The following APOL6 variants were observed in gnomAD, a reference collection of about 807,000 sequenced individuals.
APOL6 encodes the protein apolipoprotein L6, also known as apolipoprotein L, 6.
APOL6 carries 1 observed loss-of-function variant against 2.4 expected under a neutral mutation model. The ratio of observed to expected loss-of-function variants is 0.41; its 90% CI spans 0.15 to 1.94. APOL6 has a LOEUF of 1.94. Among genes scored for constraint, APOL6 ranks in the 30% most tolerant of loss-of-function variants. The pLI, the probability that APOL6 is intolerant of heterozygous loss-of-function variation, is 0.30. For synonymous variants in APOL6, 189 were observed against 169.3 expected, an observed-to-expected ratio of 1.12 and a Z score of -0.90; for missense variants, 438 against 429.2, an observed-to-expected ratio of 1.02 and a Z score of -0.18.
intron 1 of APOL6, among the ~76,000 whole-genome samples, chr22:35,651,382 C>T (rs1303697213): frequency 6.6e-6 from 1 of 152,214 alleles, no homozygotes; most frequent in East Asian, 1.9e-4. Flanking sequence ...GTGTCTCTCT[C>T]TGTCACCTCC....
Position 35,664,459 on chromosome 22 carries a change from A to G in APOL6, c.*4863A>G, listed in dbSNP as rs915815389. 4 of 152,244 alleles carry G rather than the reference A, an allele frequency of 2.6e-5. No homozygotes were observed. Among genetic ancestry groups the G allele is most frequent in the African/African-American group, 9.6e-5 (4 of 41,474 alleles). The allele number at this position is 152,244 out of a possible 1,614,324, so 9.4% of individuals were successfully genotyped here. ...GCTGAACTTAAACTAGGTTCCTCCC[A>G]AAGTTCATTCGGCCTATGCCCAGGA... On this transcript the variant is annotated 3_prime_UTR_variant, in exon 3 of 3. Coordinates refer to ENST00000409652, the MANE Select transcript of APOL6 (RefSeq NM_030641.4).
At position 35,659,385 on chromosome 22, in the gene APOL6, A is replaced by T; in HGVS notation, c.821A>T (p.Lys274Met). Residue 274 changes from lysine (K) to methionine (M), a missense_variant, in exon 3 of 3, where the codon AAG (lysine) becomes ATG (methionine). Coordinates refer to ENST00000409652, the MANE Select transcript of APOL6 (RefSeq NM_030641.4). ...RTKFAEELRA[K>M]ALELERKLTE... ...AAGTTTGCGGAAGAGTTGAGAGCCA[A>T]GGCCTTGGAGCTGGAGAGGAAACTC... 6.2e-7 allele frequency: 1 copy of T among 1,614,130 alleles called. No individual in the cohort carries two copies. Among genetic ancestry groups the T allele is most frequent in the Non-Finnish European group, 8.5e-7 (1 of 1,180,022 alleles).
chr22:35,664,499 C>T lies in APOL6; in HGVS notation c.*4903C>T, dbSNP rs1408510501. On this transcript the variant is annotated 3_prime_UTR_variant, in exon 3 of 3. Coordinates refer to ENST00000409652, the MANE Select transcript of APOL6 (RefSeq NM_030641.4). Reference sequence around the variant, plus strand: ...TATGCCCAGGAATGAACAAGGACAGCTTGGAAGTTAAGAGCAAGGTGGAGT... The same window carrying T: ...TATGCCCAGGAATGAACAAGGACAGTTTGGAAGTTAAGAGCAAGGTGGAGT... 1 of 152,190 alleles carries T rather than the reference C, an allele frequency of 6.6e-6. No homozygotes were observed. The highest frequency in any genetic ancestry group is 1.5e-5 in the Non-Finnish European group (1 of 68,038). The allele number at this position is 152,190 out of a possible 1,614,324, so 9.4% of individuals were successfully genotyped here.
In APOL6 at chr22:35,663,245, A is replaced by T. The variant is rs1925080352; in HGVS notation, c.*3649A>T. 6.6e-6 allele frequency: 1 copy of T among 152,200 alleles called. No homozygotes were observed. The highest frequency in any genetic ancestry group is 2.4e-5 in the African/African-American group (1 of 41,450). 9.4% of individuals were successfully genotyped at this position (152,200 alleles called of 1,614,324 possible). A position where few individuals can be genotyped will look rare whatever the true frequency, so the allele number is the denominator to read the frequency against. Reference sequence around the variant, plus strand: ...TTTAATTACTATAGGGGCTTTATTTACATAACACAGCCAGCTTTTTGCTAG... The same window carrying T: ...TTTAATTACTATAGGGGCTTTATTTTCATAACACAGCCAGCTTTTTGCTAG... On this transcript the variant is annotated 3_prime_UTR_variant, in exon 3 of 3. Transcript: ENST00000409652.
rs926638088 is a variant in APOL6, at chr22:35,662,383, A to G, written c.*2787A>G. ...CACTAAGGAAAACTCAAGCTTAGGG[A>G]AACTTCTTAGGGCAAACCCACCTCC... On this transcript the variant is annotated 3_prime_UTR_variant, in exon 3 of 3. Coordinates refer to ENST00000409652, the MANE Select transcript of APOL6 (RefSeq NM_030641.4). 3.3e-5 allele frequency: 5 copies of G among 152,124 alleles called. No individual in the cohort carries two copies. The highest frequency in any genetic ancestry group is 1.2e-4 in the African/African-American group (5 of 41,418). The allele number at this position is 152,124 out of a possible 1,614,324, so 9.4% of individuals were successfully genotyped here. A position where few individuals can be genotyped will look rare whatever the true frequency, so the allele number is the denominator to read the frequency against.
chr22:35,656,845 T>A (rs1324311767), intron 2 of APOL6, among the ~76,000 whole-genome samples: 1 of 152,222 alleles, frequency 6.6e-6, no homozygotes, highest in East Asian at 1.9e-4. Context: ...AACAAATTAA[T>A]GAATTTAAGC....
chr22:35,657,415 A>G (rs1265103718), intron 2 of APOL6, among the ~76,000 whole-genome samples: 1 of 152,212 alleles, frequency 6.6e-6, no homozygotes, highest in Non-Finnish European at 1.5e-5. Context: ...GCTCGATGGT[A>G]TATTTAGTTT....
Position 35,664,194 on chromosome 22 carries a change from C to T in APOL6, c.*4598C>T, listed in dbSNP as rs1029189970. 2 of 152,090 alleles carry T rather than the reference C, an allele frequency of 1.3e-5. No individual in the cohort carries two copies. The highest frequency in any genetic ancestry group is 4.8e-5 in the African/African-American group (2 of 41,412). The allele number at this position is 152,090 out of a possible 1,614,324, so 9.4% of individuals were successfully genotyped here. On this transcript the variant is annotated 3_prime_UTR_variant, in exon 3 of 3. Transcript: ENST00000409652. ...GTTTTATACTTATCCCTGCCAAATA[C>T]CAGAAGGTGTCAAAATTTGGCATAG...
At position 35,665,098 on chromosome 22, in the gene APOL6, A is replaced by T. The variant is rs1320291434; in HGVS notation, c.*5502A>T. The T allele has an allele frequency of 1.3e-5, 2 of 149,852 alleles. No homozygotes were observed. 9.3% of individuals were successfully genotyped at this position (149,852 alleles called of 1,614,324 possible). ...TTGGTGTAAGTCATGATAAGATTTT[A>T]TATATATATATACACACACACACAC... On this transcript the variant is annotated 3_prime_UTR_variant, in exon 3 of 3. Coordinates refer to ENST00000409652, the MANE Select transcript of APOL6 (RefSeq NM_030641.4).
intron 1 of APOL6, among the ~76,000 whole-genome samples, chr22:35,652,363 T>C (rs533510505): frequency 2.6e-5 from 4 of 152,314 alleles, no homozygotes; most frequent in Admixed American, 6.5e-5. Flanking sequence ...TTCGCTCTGA[T>C]GGTAGTTTCT....
At chr22:35,653,117 C>T (rs1383454914) in intron 1 of APOL6, among the ~76,000 whole-genome samples, 3 of 150,768 alleles carry the variant, frequency 2.0e-5, no homozygotes, top group African/African-American at 7.3e-5. Flanking sequence ...CTTCACATCC[C>T]TTGTAAGTTG....
chr22:35,656,598 G>A (rs915264937), intron 2 of APOL6, 123 bp downstream of exon 2: 67 of 1,131,266 alleles, frequency 5.9e-5, no homozygotes, highest in Non-Finnish European at 8.0e-5. Context: ...TTATCTTACC[G>A]CTGGTCTCCA....
At position 35,660,790 on chromosome 22, in the gene APOL6, T is replaced by G. The variant is rs766912103; in HGVS notation, c.*1194T>G. On this transcript the variant is annotated 3_prime_UTR_variant, in exon 3 of 3. Transcript: ENST00000409652. Reference sequence around the variant, plus strand: ...CTCTTTTATAAAGGCACTAACTCTATGCCTAAAGGCAGGGCCCTCATGACT... The same window carrying G: ...CTCTTTTATAAAGGCACTAACTCTAGGCCTAAAGGCAGGGCCCTCATGACT... 2 of 152,252 alleles carry G rather than the reference T, an allele frequency of 1.3e-5. No homozygotes were observed. The highest frequency in any genetic ancestry group is 2.9e-5 in the Non-Finnish European group (2 of 68,058). 9.4% of individuals were successfully genotyped at this position (152,252 alleles called of 1,614,324 possible).
At position 35,666,651 on chromosome 22, in the gene APOL6, A is replaced by G. The variant is rs1387919905; in HGVS notation, c.*7055A>G. ...AGGTGCTCTTACATGCAGGTTTCTGATAACTTTGGAGATTGTGACATCAGA... is the reference window on the plus strand; with the variant it reads ...AGGTGCTCTTACATGCAGGTTTCTGGTAACTTTGGAGATTGTGACATCAGA... On this transcript the variant is annotated 3_prime_UTR_variant, in exon 3 of 3. Transcript: ENST00000409652. 1 of 152,156 alleles carries G rather than the reference A, an allele frequency of 6.6e-6. No homozygotes were observed. The highest frequency in any genetic ancestry group is 6.5e-5 in the Admixed American group (1 of 15,270). The allele number at this position is 152,156 out of a possible 1,614,324, so 9.4% of individuals were successfully genotyped here. A position where few individuals can be genotyped will look rare whatever the true frequency, so the allele number is the denominator to read the frequency against.
At position 35,661,920 on chromosome 22, in the gene APOL6, G is replaced by T. The variant is rs923090260; in HGVS notation, c.*2324G>T. On this transcript the variant is annotated 3_prime_UTR_variant, in exon 3 of 3. Coordinates refer to ENST00000409652, the MANE Select transcript of APOL6 (RefSeq NM_030641.4). ...CTATAAATCTTATCAAACCATGGTT[G>T]TATATGCAGTTGACCGAAACATTGT... 23 of 152,198 alleles carry T rather than the reference G, an allele frequency of 1.5e-4. No homozygotes were observed. The highest frequency in any genetic ancestry group is 4.8e-4 in the African/African-American group (20 of 41,458). The allele number at this position is 152,198 out of a possible 1,614,324, so 9.4% of individuals were successfully genotyped here.
At position 35,659,827 on chromosome 22, in the gene APOL6, G is replaced by A. The variant is rs575815327; in HGVS notation, c.*231G>A. The A allele has an allele frequency of 8.8e-5, 56 of 639,448 alleles. No individual in the cohort carries two copies. Among genetic ancestry groups the A allele is most frequent in the African/African-American group, 1.5e-4 (8 of 54,766 alleles). 39.6% of individuals were successfully genotyped at this position (639,448 alleles called of 1,614,324 possible). ...GTTGCCCAGGCTGGAGTGCAGTGGC[G>A]TAATCTCGGCTCACTGCAACCTCTG... On this transcript the variant is annotated 3_prime_UTR_variant, in exon 3 of 3. Transcript: ENST00000409652.
chr22:35,659,732 G>A lies in APOL6; in HGVS notation c.*136G>A. On this transcript the variant is annotated 3_prime_UTR_variant, in exon 3 of 3. Coordinates refer to ENST00000409652, the MANE Select transcript of APOL6 (RefSeq NM_030641.4). ...TCCTTCAATGCTCCTTAAGGCCTAT[G>A]TGCTGGGAAAAGGGTCTTCCCTGTT... 7.6e-7 allele frequency: 1 copy of A among 1,322,036 alleles called. No homozygotes were observed. Among genetic ancestry groups the A allele is most frequent in the Non-Finnish European group, 1.0e-6 (1 of 990,440 alleles). The allele number at this position is 1,322,036 out of a possible 1,614,324, so 81.9% of individuals were successfully genotyped here.
rs894763611 is a variant in APOL6, at chr22:35,665,196, G to A, written c.*5600G>A. On this transcript the variant is annotated 3_prime_UTR_variant, in exon 3 of 3. Coordinates refer to ENST00000409652, the MANE Select transcript of APOL6 (RefSeq NM_030641.4). ...TTTTGGTTTGCTTAGGGAAGAAAGAGCTAATTTTTAAAAAATCAAGGTTAT... is the reference window on the plus strand; with the variant it reads ...TTTTGGTTTGCTTAGGGAAGAAAGAACTAATTTTTAAAAAATCAAGGTTAT... 1 of 152,098 alleles carries A rather than the reference G, an allele frequency of 6.6e-6. No individual in the cohort carries two copies. The highest frequency in any genetic ancestry group is 1.9e-4 in the East Asian group (1 of 5,184). 9.4% of individuals were successfully genotyped at this position (152,098 alleles called of 1,614,324 possible).
Position 35,658,751 on chromosome 22 carries a change from C to G in APOL6, c.187C>G (p.Leu63Val), listed in dbSNP as rs1250463379. The change falls in exon 3 of 3, where the codon CTC (leucine) becomes GTC (valine). Residue 63 changes from leucine (L) to valine (V), a missense_variant. Physicochemically the swap from Leu to Val is conservative, Grantham distance 32 (BLOSUM62 1). Transcript: ENST00000409652. ...LKGNIDKLRALADDIDKTHKK... is the reference protein window; with the variant it reads ...LKGNIDKLRAVADDIDKTHKK... ...AGGGAACATTGACAAGCTCCGTGCC[C>G]TCGCAGACGATATTGACAAAACCCA... The G allele has an allele frequency of 6.2e-7, 1 of 1,614,176 alleles. No homozygotes were observed. Among genetic ancestry groups the G allele is most frequent in the South Asian group, 1.1e-5 (1 of 91,086 alleles).
Sources: allele counts gnomAD v4.1 joint callset (sites outside exome capture counted in the v4.1 genomes callset), GRCh38; gene constraint gnomAD v4.1.1; transcripts MANE v1.5; gene names NCBI Gene and HGNC (gene_info 2026-07-23, HGNC 2026-07-21).